Variants in RBFOX1 observed in about 807,000 individuals in gnomAD.
RBFOX1 encodes the protein RNA binding protein fox-1 homolog 1.
Under a neutral mutation model 57.7 loss-of-function variants are expected in RBFOX1, and 8 were observed. The ratio of observed to expected loss-of-function variants is 0.14; its 90% confidence interval spans 0.08 to 0.25. The LOEUF (loss-of-function observed/expected upper bound fraction) is 0.25. RBFOX1 is among the 10% of genes least tolerant of loss of function. The probability of loss-of-function intolerance (pLI) is 1.00; values close to 1 mark genes in which losing one functional copy is unlikely to be tolerated. For synonymous variants in RBFOX1, 326 were observed against 222.4 expected (o/e 1.47, Z -4.15); for missense variants, 611 against 548.5 (o/e 1.11, Z -1.14).
At chr16:5,277,643 A>G (rs1246342910) in intron 1 of RBFOX1, among the ~76,000 whole-genome samples, 1 of 152,120 alleles carries the variant, frequency 6.6e-6, no homozygotes, top group Non-Finnish European at 1.5e-5. Context: ...TCCAGGGCAC[A>G]CAAGTCCATA....
At chr16:7,470,250 C>T (rs777121970) in intron 4 of RBFOX1, among the ~76,000 whole-genome samples, 1 of 152,208 alleles carries the variant, frequency 6.6e-6, no homozygotes, top group African/African-American at 2.4e-5. Context: ...CTGTGTCTGC[C>T]TCTCACACTA....
chr16:6,831,137 C>A (rs993649732), intron 3 of RBFOX1, among the ~76,000 whole-genome samples: 1 of 152,144 alleles, frequency 6.6e-6, no homozygotes. Flanking sequence ...ATTTTATTTG[C>A]AAGCGGTTTT....
At chr16:7,057,250 T>G (rs1318779121) in intron 4 of RBFOX1, among the ~76,000 whole-genome samples, 3 of 152,154 alleles carry the variant, frequency 2.0e-5, no homozygotes, top group African/African-American at 7.2e-5. Flanking sequence ...GATAACTCCC[T>G]CTCAGTTAAG....
chr16:5,276,400 A>G (rs1346836145), intron 1 of RBFOX1, among the ~76,000 whole-genome samples: 4 of 152,202 alleles, frequency 2.6e-5, no homozygotes, highest in Non-Finnish European at 5.9e-5. Flanking sequence ...AAGATACACA[A>G]ATGGCCAACA....
In RBFOX1 at chr16:6,379,701, C is replaced by A. The variant is rs563826610; in HGVS notation, c.-64+62644C>A. 6.1e-5 allele frequency among the ~76,000 whole-genome samples: 9 copies of A among 147,702 alleles called. No individual in the cohort carries two copies. In the South Asian group the frequency reaches 6.5e-4, roughly 11 times the overall value. On this transcript the variant is annotated intron_variant, in intron 2 of 15. Transcript: ENST00000550418. ...GCTACCAAAAAAAAAAAAAAAAAGT[C>A]TTGATGACCCTGTAATCATGATGGT...
chr16:5,579,603 C>A (rs1270952665), intron 2 of RBFOX1, among the ~76,000 whole-genome samples: 1 of 152,136 alleles, frequency 6.6e-6, no homozygotes, highest in African/African-American at 2.4e-5. Flanking sequence ...CCTGGTGACC[C>A]CGTTTTGCTG....
intron 2 of RBFOX1, among the ~76,000 whole-genome samples, chr16:5,590,250 A>AG (rs1567267562): frequency 6.6e-6 from 1 of 152,146 alleles, no homozygotes; most frequent in African/African-American, 2.4e-5. Context: ...TGTTCCAAAG[A>AG]GGGGAAAAAA....
intron 1 of RBFOX1, among the ~76,000 whole-genome samples, chr16:5,354,712 G>T (rs2065344205): frequency 6.6e-6 from 1 of 152,208 alleles, no homozygotes; most frequent in African/African-American, 2.4e-5. Flanking sequence ...TCTTAAGTGT[G>T]GTCCTTCTGA....
At chr16:5,744,763 C>G (rs1415878179) in intron 3 of RBFOX1, among the ~76,000 whole-genome samples, 2 of 152,220 alleles carry the variant, frequency 1.3e-5, no homozygotes, top group Non-Finnish European at 1.5e-5. Flanking sequence ...ATTGTGCTTT[C>G]TTTTTCTTTT....
intron 4 of RBFOX1, among the ~76,000 whole-genome samples, chr16:5,888,326 T>A (rs1202932356): frequency 6.6e-6 from 1 of 152,208 alleles, no homozygotes; most frequent in African/African-American, 2.4e-5. Flanking sequence ...CTTCCTTTAT[T>A]CTACAAAGCT....
chr16:5,600,674 C>G (rs548084458), downstream of RBFOX1, among the ~76,000 whole-genome samples: 1 of 151,924 alleles, frequency 6.6e-6, no homozygotes, highest in African/African-American at 2.4e-5. Context: ...TGGTGCTTGT[C>G]TATTCCCCCA....
At chr16:6,887,250 A>G (rs2064272343) in intron 3 of RBFOX1, among the ~76,000 whole-genome samples, 2 of 152,296 alleles carry the variant, frequency 1.3e-5, no homozygotes, top group South Asian at 4.1e-4. Context: ...GATTACCTGT[A>G]TTTTGAGAAC....
chr16:7,455,797 A>AG (rs2058387831), intron 4 of RBFOX1, among the ~76,000 whole-genome samples: 1 of 150,778 alleles, frequency 6.6e-6, no homozygotes, highest in African/African-American at 2.4e-5. Flanking sequence ...AAAAAAAAAA[A>AG]AAAAGAAAAA....
chr16:6,421,604 C>A (rs558473552), intron 2 of RBFOX1, among the ~76,000 whole-genome samples: 1 of 152,266 alleles, frequency 6.6e-6, no homozygotes, highest in South Asian at 2.1e-4. Flanking sequence ...AATAATATTG[C>A]ATTCTATTTG....
chr16:5,492,016 T>C (rs916999795), intron 2 of RBFOX1, among the ~76,000 whole-genome samples: 1 of 152,164 alleles, frequency 6.6e-6, no homozygotes, highest in Non-Finnish European at 1.5e-5. Context: ...TTACAGAGTG[T>C]GGGCCCCAGA....
At chr16:7,405,316 T>G (rs1411708876) in intron 4 of RBFOX1, among the ~76,000 whole-genome samples, 1 of 152,188 alleles carries the variant, frequency 6.6e-6, no homozygotes, top group African/African-American at 2.4e-5. Context: ...CTGCAAACCT[T>G]TGCCGCTGGA....
intron 3 of RBFOX1, among the ~76,000 whole-genome samples, chr16:7,045,537 G>A (rs77706368): frequency 6.6e-6 from 1 of 152,178 alleles, no homozygotes; most frequent in Non-Finnish European, 1.5e-5. Flanking sequence ...CATGGCACAA[G>A]TCAGAGGTCA....
At position 6,679,541 on chromosome 16, in the gene RBFOX1, T is replaced by C. The variant is rs1318375566; in HGVS notation, c.-16+24891T>C. On this transcript the variant is annotated intron_variant, in intron 3 of 15. Coordinates refer to ENST00000550418, the MANE Select transcript of RBFOX1 (RefSeq NM_018723.4). ...CATCTTACAGAGCAATGGGGAAACA[T>C]GTACAGTCATACCCCTCTCTTCTAG... is the stretch of plus-strand genomic sequence containing the variant. Among the ~76,000 whole-genome samples, 4 of 152,160 alleles carry C rather than the reference T, an allele frequency of 2.6e-5. No homozygotes were observed. In the East Asian group the frequency reaches 7.7e-4, roughly 29 times the overall value.
chr16:6,113,301 C>T (rs1002232829), intron 1 of RBFOX1, among the ~76,000 whole-genome samples: 2 of 152,198 alleles, frequency 1.3e-5, no homozygotes, highest in African/African-American at 2.4e-5. Context: ...TTCCTCTCAC[C>T]TCTCATTGGC....
Sources: allele counts gnomAD v4.1 joint callset (sites outside exome capture counted in the v4.1 genomes callset), GRCh38; gene constraint gnomAD v4.1.1; transcripts MANE v1.5; gene names NCBI Gene and HGNC (gene_info 2026-07-23, HGNC 2026-07-21).